The following PLPPR1 variants were observed in gnomAD, a reference collection of about 807,000 sequenced individuals.
PLPPR1 encodes the protein phospholipid phosphatase related 1, also known as phospholipid phosphatase-related protein type 1.
Under a neutral mutation model 33.1 loss-of-function variants are expected in PLPPR1, and 10 were observed. The ratio of observed to expected loss-of-function variants is 0.30; its 90% CI spans 0.19 to 0.51. The LOEUF (loss-of-function observed/expected upper bound fraction) is 0.51. Ranked by LOEUF, PLPPR1 falls within the 20% of genes least tolerant of loss-of-function variation. PLPPR1 has a pLI of 0.97. For synonymous variants in PLPPR1, 151 were observed against 151.0 expected, an observed-to-expected ratio of 1.00 and a Z score of 0.00; for missense variants, 304 against 408.1, an observed-to-expected ratio of 0.74 and a Z score of 2.20.
At chr9:101,273,616 G>A (rs1241640995) in intron 3 of PLPPR1, among the ~76,000 whole-genome samples, 2 of 152,146 alleles carry the variant, frequency 1.3e-5, no homozygotes, top group Non-Finnish European at 2.9e-5. Flanking sequence ...CATATCCTAA[G>A]AAGATACATT....
intron 3 of PLPPR1, among the ~76,000 whole-genome samples, chr9:101,272,476 A>G (rs1327572416): frequency 6.6e-6 from 1 of 152,228 alleles, no homozygotes; most frequent in East Asian, 1.9e-4. Context: ...AGCAGTGTTG[A>G]TGCAAGCATA....
At chr9:101,049,514 T>C (rs1830193517) in intron 1 of PLPPR1, among the ~76,000 whole-genome samples, 1 of 152,210 alleles carries the variant, frequency 6.6e-6, no homozygotes, top group Non-Finnish European at 1.5e-5. Flanking sequence ...CAGGCACTAT[T>C]CCAAGTATTT....
At chr9:101,102,211 T>C (rs1365343922) in intron 1 of PLPPR1, among the ~76,000 whole-genome samples, 3 of 127,924 alleles carry the variant, frequency 2.3e-5, no homozygotes, top group African/African-American at 9.6e-5. Context: ...TAGTTACATA[T>C]GTATACATGT....
intron 1 of PLPPR1, among the ~76,000 whole-genome samples, chr9:101,038,622 A>G (rs949396569): frequency 6.6e-6 from 1 of 152,164 alleles, no homozygotes; most frequent in Non-Finnish European, 1.5e-5. Flanking sequence ...GGCAGTTTCC[A>G]GCCTGTTAAA....
At chr9:101,220,340 C>G (rs1826903884) in intron 2 of PLPPR1, among the ~76,000 whole-genome samples, 1 of 152,224 alleles carries the variant, frequency 6.6e-6, no homozygotes, top group Non-Finnish European at 1.5e-5. Context: ...TTTATCACTT[C>G]AACTATAAAA....
intron 2 of PLPPR1, among the ~76,000 whole-genome samples, chr9:101,207,626 C>T (rs961651311): frequency 6.6e-6 from 1 of 152,062 alleles, no homozygotes; most frequent in Non-Finnish European, 1.5e-5. Flanking sequence ...TGATACTGGG[C>T]CACCCCCATT....
intron 1 of PLPPR1, among the ~76,000 whole-genome samples, chr9:101,044,313 C>G (rs1159417644): frequency 2.6e-5 from 4 of 152,338 alleles, no homozygotes; most frequent in African/African-American, 9.6e-5. Flanking sequence ...GATCCCCACA[C>G]TCTCCCCTAG....
At chr9:101,276,019 G>T (rs953130053) in intron 3 of PLPPR1, among the ~76,000 whole-genome samples, 6 of 152,130 alleles carry the variant, frequency 3.9e-5, no homozygotes, top group Non-Finnish European at 7.3e-5. Context: ...GCACAGTGCA[G>T]ATCACAAAGT....
At position 101,038,846 on chromosome 9, in the gene PLPPR1, CT is replaced by C. The variant is rs1308769089; in HGVS notation, c.-46+9746del. ...CATATAACCCCTCACTGCACTCTATCTTCTCCTTCTCCATGGCCTGATATTC... is the reference window on the plus strand; with the variant it reads ...CATATAACCCCTCACTGCACTCTATCTCTCCTTCTCCATGGCCTGATATTC... On this transcript the variant is annotated intron_variant, in intron 1 of 7. Coordinates refer to ENST00000374874, the MANE Select transcript of PLPPR1 (RefSeq NM_207299.2). Among the ~76,000 whole-genome samples, 25 of 151,838 alleles carry C rather than the reference CT, an allele frequency of 1.6e-4. No individual in the cohort carries two copies. The East Asian group carries it at 4.3e-3, about 26-fold the overall frequency.
intron 1 of PLPPR1, among the ~76,000 whole-genome samples, chr9:101,121,336 T>C (rs1004820738): frequency 5.9e-5 from 9 of 152,194 alleles, no homozygotes; most frequent in African/African-American, 2.2e-4. Context: ...GTTATTCTTT[T>C]CATTCCACAG....
chr9:101,076,493 T>C lies in PLPPR1; in HGVS notation c.-46+47391T>C, dbSNP rs78427187. ...ATTTGCTTTTATTGTGAAGGATAAT[T>C]GTGTTCAGTCTCATGTTTGAATCCC... On this transcript the variant is annotated intron_variant, in intron 1 of 7. Transcript: ENST00000374874. 6.2e-3 allele frequency among the ~76,000 whole-genome samples: 949 copies of C among 152,298 alleles called. 12 individuals are homozygous for C. The highest frequency in any genetic ancestry group is 0.022 in the African/African-American group (916 of 41,554).
intron 2 of PLPPR1, among the ~76,000 whole-genome samples, chr9:101,256,677 A>C (rs1279253554): frequency 2.6e-5 from 4 of 152,288 alleles, no homozygotes; most frequent in African/African-American, 9.6e-5. Context: ...CATAATAGTG[A>C]ATAGTGTAGC....
chr9:101,110,246 C>A (rs569425225), intron 1 of PLPPR1, among the ~76,000 whole-genome samples: 1 of 152,102 alleles, frequency 6.6e-6, no homozygotes, highest in South Asian at 2.1e-4. Context: ...ATAGATCTCA[C>A]TTATAATTTA....
Position 101,121,248 on chromosome 9 carries a change from C to T in PLPPR1, c.-45-64202C>T, listed in dbSNP as rs1000100894. Among the ~76,000 whole-genome samples the T allele has an allele frequency of 2.6e-5, 4 of 152,168 alleles. No individual in the cohort carries two copies. In the East Asian group the frequency reaches 7.7e-4, roughly 29 times the overall value. On this transcript the variant is annotated intron_variant, in intron 1 of 7. Transcript: ENST00000374874. The stretch of plus-strand genomic sequence containing the variant: ...ATCAGATGAGGAATATATTAGCATT[C>T]ATTGAGCTCCTATGTATCAGATATT...
intron 2 of PLPPR1, among the ~76,000 whole-genome samples, chr9:101,257,827 T>C (rs534061643): frequency 2.5e-5 from 1 of 39,646 alleles, no homozygotes; most frequent in Non-Finnish European, 4.3e-5. Flanking sequence ...TAAAATCCTA[T>C]TTTTTTTTAG....
chr9:101,106,499 G>A (rs1258204751), intron 1 of PLPPR1, among the ~76,000 whole-genome samples: 1 of 118,592 alleles, frequency 8.4e-6, no homozygotes, highest in Admixed American at 8.4e-5. Flanking sequence ...TGGCTTGTAT[G>A]GTTTCTGCCG....
chr9:101,211,201 G>GA (rs1002913508), intron 2 of PLPPR1, among the ~76,000 whole-genome samples: 4 of 152,060 alleles, frequency 2.6e-5, no homozygotes, highest in African/African-American at 9.7e-5. Context: ...AAGATGGTAA[G>GA]AAAAAAAGGC....
intron 1 of PLPPR1, among the ~76,000 whole-genome samples, chr9:101,155,899 G>A (rs181898836): frequency 2.8e-4 from 43 of 152,114 alleles, no homozygotes; most frequent in African/African-American, 8.7e-4. Context: ...TGGCTGGGCC[G>A]GGGGATTAAA....
chr9:101,157,760 G>A (rs1037208841), intron 1 of PLPPR1, among the ~76,000 whole-genome samples: 2 of 152,064 alleles, frequency 1.3e-5, no homozygotes, highest in East Asian at 1.9e-4. Flanking sequence ...TCTGCACTTT[G>A]GGAGGCTAAG....
Sources: allele counts gnomAD v4.1 joint callset (sites outside exome capture counted in the v4.1 genomes callset), GRCh38; gene constraint gnomAD v4.1.1; transcripts MANE v1.5; gene names NCBI Gene and HGNC (gene_info 2026-07-23, HGNC 2026-07-21).